The following PCDH15 variants were observed in gnomAD, a reference collection of about 807,000 sequenced individuals.
PCDH15 encodes protocadherin related 15, also known as protocadherin-15.
In PCDH15, 129 loss-of-function variants were observed where a neutral mutation model predicts 178.5. That is an observed-to-expected ratio of 0.72 (90% confidence interval 0.63 to 0.84). The LOEUF is 0.84. Among genes scored for constraint, PCDH15 ranks in the 40% least tolerant of loss-of-function variants. PCDH15 has a pLI of 0.00. For synonymous variants in PCDH15, 800 were observed against 732.0 expected (o/e 1.09, Z -1.50); for missense variants, 2,230 against 2,099.9 (o/e 1.06, Z -1.21).
intron 2 of PCDH15, among the ~76,000 whole-genome samples, chr10:55,545,987 C>T (rs1841872706): frequency 6.6e-6 from 1 of 151,806 alleles, no homozygotes; most frequent in Non-Finnish European, 1.5e-5. Context: ...AAAATAAATG[C>T]CTATAAAGAG....
At chr10:54,223,518 T>A (rs967654880) in intron 9 of PCDH15, among the ~76,000 whole-genome samples, 1 of 37,100 alleles carries the variant, frequency 2.7e-5, no homozygotes, top group Admixed American at 3.8e-4. Flanking sequence ...GTTGTAAAGA[T>A]TAACTTTTCC....
At chr10:55,273,609 CA>C (rs1842506946) in intron 1 of PCDH15, among the ~76,000 whole-genome samples, 1 of 151,910 alleles carries the variant, frequency 6.6e-6, no homozygotes, top group African/African-American at 2.4e-5. Flanking sequence ...AGTAACAAAA[CA>C]AATTATTTTA....
intron 1 of PCDH15, among the ~76,000 whole-genome samples, chr10:54,671,118 T>C (rs1041549298): frequency 1.3e-5 from 2 of 152,110 alleles, no homozygotes; most frequent in African/African-American, 4.8e-5. Flanking sequence ...CAAACATTAT[T>C]TCATCAGTGG....
intron 4 of PCDH15, among the ~76,000 whole-genome samples, chr10:54,375,873 GAAACGGAATAT>G (rs1565118697): frequency 2.5e-5 from 3 of 121,806 alleles, no homozygotes; most frequent in African/African-American, 9.3e-5. Flanking sequence ...ATATATTTTT[GAAACGGAATAT>G]ATATATATAT....
At chr10:55,305,921 C>T (rs1843411367) in intron 1 of PCDH15, among the ~76,000 whole-genome samples, 2 of 152,110 alleles carry the variant, frequency 1.3e-5, no homozygotes, top group Admixed American at 1.3e-4. Flanking sequence ...TATTACTATT[C>T]TATTTAATGA....
At chr10:55,341,839 A>T (rs1474744111) in intron 2 of PCDH15, among the ~76,000 whole-genome samples, 2 of 99,310 alleles carry the variant, frequency 2.0e-5, no homozygotes, top group African/African-American at 7.4e-5. Flanking sequence ...TTTAGTAGAG[A>T]TGGGGTTTCA....
intron 3 of PCDH15, among the ~76,000 whole-genome samples, chr10:54,383,427 T>C (rs1949484870): frequency 6.6e-6 from 1 of 152,168 alleles, no homozygotes; most frequent in South Asian, 2.1e-4. Flanking sequence ...TTAGTACTTA[T>C]TAGCATTTGC....
rs139841736 is a variant in PCDH15 at position 54,643,317 on chromosome 10, C to T, written c.91+20855G>A. On this transcript the variant is annotated intron_variant, in intron 2 of 37. Transcript: ENST00000644397. ...CTTTTTATATTAAACCTGTTCAAAA[C>T]GATTTCTAAACCTCAACTCTGAAAG... 1.5e-4 allele frequency among the ~76,000 whole-genome samples: 23 copies of T among 152,260 alleles called. No individual in the cohort carries two copies. The East Asian group carries it at 2.5e-3, about 17-fold the overall frequency.
At position 55,483,878 on chromosome 10, in the gene PCDH15, C is replaced by A. The variant is rs563453817; in HGVS notation, c.-156+143747G>T. ...CATATGATCACTGCAGAACTATTCACAATAGCAAAGACATGAAAGCAACCT... is the reference window on the plus strand; with the variant it reads ...CATATGATCACTGCAGAACTATTCAAAATAGCAAAGACATGAAAGCAACCT... On this transcript the variant is annotated intron_variant, in intron 2 of 5. Transcript: ENST00000613346. Among the ~76,000 whole-genome samples, 40 of 149,514 alleles carry A rather than the reference C, an allele frequency of 2.7e-4. 1 individual carries two copies. The highest frequency in any genetic ancestry group is 9.5e-4 in the African/African-American group (39 of 40,844).
At chr10:55,075,637 AC>A (rs1188032289) in intron 2 of PCDH15, among the ~76,000 whole-genome samples, 1 of 152,106 alleles carries the variant, frequency 6.6e-6, no homozygotes, top group African/African-American at 2.4e-5. Flanking sequence ...TGCTGGGATT[AC>A]AGGCATAAGC....
intron 1 of PCDH15, among the ~76,000 whole-genome samples, chr10:55,310,210 C>G (rs557131290): frequency 1.3e-5 from 2 of 152,058 alleles, no homozygotes; most frequent in Admixed American, 6.6e-5. Flanking sequence ...TATAAGTCAG[C>G]CTTCTCCTCT....
chr10:55,387,702 T>C (rs1249148888), intron 2 of PCDH15, among the ~76,000 whole-genome samples: 3 of 152,028 alleles, frequency 2.0e-5, no homozygotes, highest in East Asian at 3.9e-4. Flanking sequence ...ACAGGAAAAA[T>C]ACAAAACCAA....
At chr10:55,223,797 AT>A (rs1840951376) in intron 1 of PCDH15, among the ~76,000 whole-genome samples, 1 of 152,154 alleles carries the variant, frequency 6.6e-6, no homozygotes, top group Non-Finnish European at 1.5e-5. Flanking sequence ...ATAAAGGAAG[AT>A]TTTGCCAAAT....
intron 1 of PCDH15, among the ~76,000 whole-genome samples, chr10:54,731,847 A>G (rs1044891033): frequency 1.3e-5 from 2 of 150,800 alleles, no homozygotes; most frequent in Non-Finnish European, 3.0e-5. Context: ...AGGCACAAAT[A>G]TACAGTTTGA....
chr10:54,394,402 C>G (rs1444691315), intron 3 of PCDH15, among the ~76,000 whole-genome samples: 1 of 151,854 alleles, frequency 6.6e-6, no homozygotes, highest in Non-Finnish European at 1.5e-5. Context: ...CCTGGGCGTC[C>G]AGGGGAGACA....
intron 2 of PCDH15, among the ~76,000 whole-genome samples, chr10:54,643,058 G>T (rs988582208): frequency 6.6e-6 from 1 of 152,132 alleles, no homozygotes; most frequent in Non-Finnish European, 1.5e-5. Context: ...GAGTAGCTGG[G>T]ATTACAGGTG....
chr10:55,615,110 C>G (rs530642115), intron 2 of PCDH15, among the ~76,000 whole-genome samples: 1 of 152,082 alleles, frequency 6.6e-6, no homozygotes, highest in East Asian at 1.9e-4. Context: ...TAGCTGGAAA[C>G]AGTAAAGCAA....
intron 15 of PCDH15, among the ~76,000 whole-genome samples, chr10:54,119,933 C>T (rs1451974851): frequency 6.6e-6 from 1 of 152,066 alleles, no homozygotes; most frequent in Admixed American, 6.6e-5. Flanking sequence ...GCTCCCCACT[C>T]CCTGACAGGC....
chr10:53,893,518 G>A (rs1207291438), intron 26 of PCDH15, among the ~76,000 whole-genome samples: 1 of 152,152 alleles, frequency 6.6e-6, no homozygotes, highest in Non-Finnish European at 1.5e-5. Context: ...AGCACAATTT[G>A]CAATTGCAAA....
Sources: gnomAD v4.1 joint callset for allele counts (sites outside exome capture counted in the v4.1 genomes callset) on GRCh38, gnomAD v4.1.1 for gene constraint, MANE v1.5 for transcripts, NCBI Gene and HGNC (gene_info 2026-07-23, HGNC 2026-07-21) for gene names.